PPP2R5C: variants seen among roughly 807,000 people sequenced by gnomAD.
PPP2R5C encodes serine/threonine-protein phosphatase 2A 56 kDa regulatory subunit gamma isoform.
A neutral mutation model predicts 68.9 loss-of-function variants in PPP2R5C; 7 were observed. The observed-to-expected ratio is 0.10, with a 90% CI of 0.06 to 0.19. The LOEUF (loss-of-function observed/expected upper bound fraction) is 0.19, where lower values mean the gene tolerates loss of function less well. Among genes scored for constraint, PPP2R5C ranks in the 10% least tolerant of loss-of-function variants. The pLI is 1.00. For missense variants in PPP2R5C, 348 were observed against 641.3 expected (o/e 0.54, Z 4.94); for synonymous variants, 210 against 222.2 (o/e 0.95, Z 0.49).
chr14:101,857,966 C>T (rs1452450936), intron 2 of PPP2R5C, among the ~76,000 whole-genome samples: 3 of 152,132 alleles, frequency 2.0e-5, no homozygotes, highest in Non-Finnish European at 4.4e-5. Flanking sequence ...CGTTGTAGTT[C>T]AGTCTACTGT....
At chr14:101,762,046 TC>T in intron 1 of PPP2R5C, 126 bp downstream of exon 1, 2 of 991,942 alleles carry the variant, frequency 2.0e-6, no homozygotes. Flanking sequence ...GGGCTTCGCG[TC>T]CCCGAGGGCG....
chr14:101,799,743 G>C (rs1025155007), intron 3 of PPP2R5C, among the ~76,000 whole-genome samples: 1 of 152,162 alleles, frequency 6.6e-6, no homozygotes, highest in South Asian at 2.1e-4. Context: ...TTGAGACAGG[G>C]AGTCAACCTC....
At chr14:101,785,343 T>C (rs1184997636) in intron 2 of PPP2R5C, among the ~76,000 whole-genome samples, 1 of 152,190 alleles carries the variant, frequency 6.6e-6, no homozygotes. Context: ...CGTTCTGGCA[T>C]GTAGGTCTGA....
At position 101,917,348 on chromosome 14, in the gene PPP2R5C, A is replaced by C. The variant is rs1449835326; in HGVS notation, c.1327-483A>C. Among the ~76,000 whole-genome samples the C allele has an allele frequency of 1.3e-5, 2 of 152,036 alleles. No homozygotes were observed. The highest frequency in any genetic ancestry group is 2.9e-5 in the Non-Finnish European group (2 of 67,992). The stretch of plus-strand genomic sequence containing the variant: ...TTCATAAGCAAGCCGGGAAAATGGG[A>C]TAAAGGGGAGAGAGAACCGTGCCAG... On this transcript the variant is annotated intron_variant, in intron 12 of 13. Transcript: ENST00000334743. The surrounding 1 kb of genome is among the most constrained non-coding windows in gnomAD (Gnocchi z 4.4).
At chr14:101,858,332 T>A (rs992001294) in intron 2 of PPP2R5C, among the ~76,000 whole-genome samples, 11 of 152,266 alleles carry the variant, frequency 7.2e-5, no homozygotes, top group Admixed American at 3.3e-4. Context: ...ATAATCTTTT[T>A]TCTTTTAGGT....
chr14:101,824,112 C>G, intron 1 of PPP2R5C: 1 of 1,288,708 alleles, frequency 7.8e-7, no homozygotes, highest in Non-Finnish European at 1.0e-6. Flanking sequence ...GCTCGCACAT[C>G]CCGAGAGATT....
chr14:101,812,459 T>G (rs1194073990), intron 1 of PPP2R5C, among the ~76,000 whole-genome samples: 1 of 152,204 alleles, frequency 6.6e-6, no homozygotes, highest in Non-Finnish European at 1.5e-5. Context: ...TCTTTCCCAC[T>G]GAAGGAGAAA....
At position 101,797,728 on chromosome 14, in the gene PPP2R5C, G is replaced by GA; in HGVS notation, c.259+11545_259+11546insA. 1 of 159,728 alleles carries GA rather than the reference G, an allele frequency of 6.3e-6. No individual in the cohort carries two copies. Among genetic ancestry groups the GA allele is most frequent in the Non-Finnish European group, 1.4e-5 (1 of 72,650 alleles). The allele number at this position is 159,728 out of a possible 1,614,324, so 9.9% of individuals were successfully genotyped here. A position where few individuals can be genotyped will look rare whatever the true frequency, so the allele number is the denominator to read the frequency against. On this transcript the variant is annotated intron_variant, in intron 3 of 14. Coordinates refer to the PPP2R5C transcript ENST00000328724. The surrounding 1 kb of genome is among the most constrained non-coding windows in gnomAD (Gnocchi z 4.2). Reference sequence around the variant, plus strand: ...TCCGATGTATGCATACTTTTACTTCGCGTTGGTTCCCTACGTTCTTAGAAC... The same window carrying GA: ...TCCGATGTATGCATACTTTTACTTCGACGTTGGTTCCCTACGTTCTTAGAAC...
In PPP2R5C at chr14:101,772,559, C is replaced by G. The variant is rs373117400; in HGVS notation, c.93+9589C>G. Among the ~76,000 whole-genome samples the G allele has an allele frequency of 4.6e-5, 7 of 152,202 alleles. No individual in the cohort carries two copies. The East Asian group carries it at 1.4e-3, about 29-fold the overall frequency. ...CCTGTAATCCTGGCACTTTGGGAGGCCGAGTCGGGTGGATCACCTAAGATC... is the reference window on the plus strand; with the variant it reads ...CCTGTAATCCTGGCACTTTGGGAGGGCGAGTCGGGTGGATCACCTAAGATC... On this transcript the variant is annotated intron_variant, in intron 2 of 14. Transcript: ENST00000328724.
At chr14:101,849,392 C>T (rs947764312) in intron 1 of PPP2R5C, among the ~76,000 whole-genome samples, 1 of 152,108 alleles carries the variant, frequency 6.6e-6, no homozygotes, top group Admixed American at 6.6e-5. Context: ...TGGTGTTGTC[C>T]GTAGTGGTTT....
At chr14:101,857,640 C>T (rs926433745) in intron 2 of PPP2R5C, among the ~76,000 whole-genome samples, 1 of 152,222 alleles carries the variant, frequency 6.6e-6, no homozygotes, top group Admixed American at 6.5e-5. Flanking sequence ...GTCAGTACCA[C>T]CTGGAAACAC....
chr14:101,774,020 T>C (rs1264835281), intron 2 of PPP2R5C, among the ~76,000 whole-genome samples: 2 of 152,150 alleles, frequency 1.3e-5, no homozygotes, highest in African/African-American at 4.8e-5. Context: ...ATTCTGAGGG[T>C]CATGGGAAGC....
At chr14:101,873,520 A>G (rs2043554246) in intron 2 of PPP2R5C, among the ~76,000 whole-genome samples, 1 of 152,096 alleles carries the variant, frequency 6.6e-6, no homozygotes, top group East Asian at 1.9e-4. Context: ...CCAGTGCCCT[A>G]TGGATTATGA....
At position 101,781,848 on chromosome 14, in the gene PPP2R5C, A is replaced by AGCCGTG. The variant is rs1178889802; in HGVS notation, c.94-4154_94-4149dup. 3.6e-4 allele frequency among the ~76,000 whole-genome samples: 54 copies of AGCCGTG among 151,628 alleles called. No individual in the cohort carries two copies. The highest frequency in any genetic ancestry group is 4.7e-4 in the Non-Finnish European group (32 of 67,798). On this transcript the variant is annotated intron_variant, in intron 2 of 14. Transcript: ENST00000328724. The surrounding 1 kb of genome is among the most constrained non-coding windows in gnomAD (Gnocchi z 6.4). Reference sequence around the variant, plus strand: ...TCCCGTCTCGGGGGCTTCATCCTCCAGCCGTGGCCGTGGCCGTGGCCAGGT... The same window carrying AGCCGTG: ...TCCCGTCTCGGGGGCTTCATCCTCCAGCCGTGGCCGTGGCCGTGGCCGTGGCCAGGT...
intron 10 of PPP2R5C, among the ~76,000 whole-genome samples, chr14:101,909,335 C>T (rs772865944): frequency 2.0e-5 from 3 of 152,146 alleles, no homozygotes; most frequent in Non-Finnish European, 4.4e-5. Context: ...TGAGCAAGGT[C>T]GTTTTTGGCT....
chr14:101,784,045 C>T (rs1708310891), intron 2 of PPP2R5C, among the ~76,000 whole-genome samples: 1 of 152,060 alleles, frequency 6.6e-6, no homozygotes. Flanking sequence ...GCTCAGAGCC[C>T]AAGAAAGTAC....
intron 3 of PPP2R5C, among the ~76,000 whole-genome samples, chr14:101,804,422 A>G (rs1406405007): frequency 1.3e-5 from 2 of 152,312 alleles, no homozygotes; most frequent in East Asian, 1.9e-4. Context: ...CTGCACTCCT[A>G]TGTTTGTTGC....
At chr14:101,770,708 A>G (rs117545930) in intron 2 of PPP2R5C, among the ~76,000 whole-genome samples, 2,504 of 152,366 alleles carry the variant, frequency 0.016, 39 homozygotes, top group Middle Eastern at 0.075. Context: ...AGCAAATGAT[A>G]TGAAATCTAA....
In PPP2R5C at chr14:101,891,813, G is replaced by A. The variant is rs528015732; in HGVS notation, c.690-1187G>A. The stretch of plus-strand genomic sequence containing the variant: ...GTTAGAGACAGCTCTGTCTACTTCT[G>A]CAGCTCAGTGGCAGTCACTCCCGTT... On this transcript the variant is annotated intron_variant, in intron 6 of 13. Transcript: ENST00000334743. The surrounding 1 kb of genome is among the most constrained non-coding windows in gnomAD (Gnocchi z 4.9). 5.9e-5 allele frequency among the ~76,000 whole-genome samples: 9 copies of A among 152,348 alleles called. No homozygotes were observed. The highest frequency in any genetic ancestry group is 1.0e-4 in the Non-Finnish European group (7 of 68,034).
Sources: allele counts gnomAD v4.1 joint callset (sites outside exome capture counted in the v4.1 genomes callset), GRCh38; gene constraint gnomAD v4.1.1; non-coding constraint Gnocchi (gnomAD v3.1); transcripts MANE v1.5; gene names NCBI Gene and HGNC (gene_info 2026-07-23, HGNC 2026-07-21).